Variants in CSMD1 observed in about 807,000 individuals in gnomAD.
CSMD1 encodes the protein CUB and Sushi multiple domains 1.
CSMD1 carries 213 observed loss-of-function variants against 417.5 expected under a neutral mutation model. The observed-to-expected ratio is 0.51, with a 90% CI of 0.46 to 0.57. CSMD1 has a LOEUF of 0.57. Among genes scored for constraint, CSMD1 ranks in the 20% least tolerant of loss-of-function variants. The probability of loss-of-function intolerance (pLI) is 0.00; values close to 1 mark genes in which losing one functional copy is unlikely to be tolerated. For synonymous variants in CSMD1, 2,862 were observed against 1,736.8 expected (o/e 1.65, Z -16.11); for missense variants, 6,923 against 4,529.7 (o/e 1.53, Z -15.17).
At chr8:3,193,417 G>A (rs149435526) in intron 33 of CSMD1, among the ~76,000 whole-genome samples, 1 of 152,178 alleles carries the variant, frequency 6.6e-6, no homozygotes, top group Non-Finnish European at 1.5e-5. Context: ...AGGGAGGCAG[G>A]GAGAAGCTGT....
chr8:4,016,506 C>T (rs1251680774), intron 4 of CSMD1, among the ~76,000 whole-genome samples: 1 of 152,028 alleles, frequency 6.6e-6, no homozygotes, highest in African/African-American at 2.4e-5. Flanking sequence ...CAAGGAGGTC[C>T]AAGGTTTTAG....
intron 25 of CSMD1, 55 bp downstream of exon 25, chr8:3,307,637 CAAG>C: frequency 6.5e-7 from 1 of 1,548,470 alleles, no homozygotes. Context: ...ATCTCTGCTA[CAAG>C]AATAGAAGGC....
At chr8:3,620,289 T>A (rs561168007) in intron 7 of CSMD1, among the ~76,000 whole-genome samples, 6 of 146,984 alleles carry the variant, frequency 4.1e-5, no homozygotes, top group Non-Finnish European at 7.4e-5. Context: ...AGAAAGTCCT[T>A]CAAGTTGAAA....
intron 3 of CSMD1, among the ~76,000 whole-genome samples, chr8:4,195,242 T>G (rs757875989): frequency 8.5e-5 from 13 of 152,218 alleles, no homozygotes; most frequent in Non-Finnish European, 1.3e-4. Context: ...GATTTTTTAA[T>G]TTGTTTTTTA....
chr8:3,488,488 G>C (rs562030027), intron 11 of CSMD1, among the ~76,000 whole-genome samples: 16 of 152,256 alleles, frequency 1.1e-4, no homozygotes, highest in East Asian at 7.7e-4. Context: ...GCTTCTTGCA[G>C]TATAAAATGT....
intron 2 of CSMD1, among the ~76,000 whole-genome samples, chr8:4,458,889 C>A (rs144125258): frequency 6.6e-6 from 1 of 152,150 alleles, no homozygotes; most frequent in African/African-American, 2.4e-5. Flanking sequence ...GAAACAAGCA[C>A]AATGGGTGGA....
At chr8:4,727,694 G>A (rs1809547299) in intron 1 of CSMD1, among the ~76,000 whole-genome samples, 2 of 152,062 alleles carry the variant, frequency 1.3e-5, no homozygotes, top group East Asian at 1.9e-4. Context: ...AACTTGCAAA[G>A]GCAAATTCCT....
At chr8:3,919,647 ACT>A (rs1491240014) in intron 5 of CSMD1, among the ~76,000 whole-genome samples, 4 of 152,126 alleles carry the variant, frequency 2.6e-5, no homozygotes, top group African/African-American at 9.6e-5. Flanking sequence ...AAATTTTATG[ACT>A]TTTTTTTCTA....
intron 7 of CSMD1, among the ~76,000 whole-genome samples, chr8:3,658,415 T>C (rs80146529): frequency 0.01 from 1,569 of 149,792 alleles, 51 homozygotes; most frequent in East Asian, 0.074. Context: ...TAAATGTTAG[T>C]AATGTTTTGT....
chr8:3,539,299 T>A (rs1325999760), intron 10 of CSMD1, among the ~76,000 whole-genome samples: 1 of 152,176 alleles, frequency 6.6e-6, no homozygotes, highest in Non-Finnish European at 1.5e-5. Flanking sequence ...CCCTACTGCC[T>A]ACCTCCCACC....
At chr8:3,461,959 G>A (rs1816533150) in intron 12 of CSMD1, among the ~76,000 whole-genome samples, 1 of 152,214 alleles carries the variant, frequency 6.6e-6, no homozygotes, top group Non-Finnish European at 1.5e-5. Context: ...GGGCCGGACA[G>A]GAGGGTGGCG....
At chr8:3,873,361 T>A (rs989024551) in intron 5 of CSMD1, among the ~76,000 whole-genome samples, 1 of 151,856 alleles carries the variant, frequency 6.6e-6, no homozygotes, top group Non-Finnish European at 1.5e-5. Flanking sequence ...TACCATATAA[T>A]ACTATCAAGA....
chr8:3,141,047 C>G (rs560376568), intron 41 of CSMD1, among the ~76,000 whole-genome samples: 1 of 152,152 alleles, frequency 6.6e-6, no homozygotes, highest in Non-Finnish European at 1.5e-5. Context: ...GGATCAACTC[C>G]GTGCACAATG....
chr8:3,490,732 C>A (rs899473408), intron 11 of CSMD1, among the ~76,000 whole-genome samples: 1 of 152,174 alleles, frequency 6.6e-6, no homozygotes, highest in African/African-American at 2.4e-5. Flanking sequence ...AGGCCCCTTT[C>A]TATCCACTGT....
At chr8:4,138,876 G>A (rs1487063374) in intron 3 of CSMD1, among the ~76,000 whole-genome samples, 1 of 152,046 alleles carries the variant, frequency 6.6e-6, no homozygotes, top group Non-Finnish European at 1.5e-5. Flanking sequence ...TTAATAGGAA[G>A]GTTAATTTAT....
At chr8:4,439,678 T>A (rs1380823709) in intron 2 of CSMD1, among the ~76,000 whole-genome samples, 1 of 152,192 alleles carries the variant, frequency 6.6e-6, no homozygotes, top group East Asian at 1.9e-4. Flanking sequence ...TATGAAAATG[T>A]GTGCTTATTA....
At chr8:3,861,941 C>A (rs1157382865) in intron 5 of CSMD1, among the ~76,000 whole-genome samples, 2 of 152,110 alleles carry the variant, frequency 1.3e-5, no homozygotes, top group African/African-American at 4.8e-5. Context: ...GAAAGTCAAT[C>A]TTTGTACCCT....
chr8:4,861,513 A>C (rs1024932498), intron 1 of CSMD1, among the ~76,000 whole-genome samples: 1 of 152,098 alleles, frequency 6.6e-6, no homozygotes, highest in East Asian at 1.9e-4. Flanking sequence ...TTTAGTGTCA[A>C]GTGAGGGGTA....
In CSMD1 at chr8:4,667,287, T is replaced by C. The variant is rs150364143; in HGVS notation, c.86-29729A>G. On this transcript the variant is annotated intron_variant, in intron 1 of 69. Transcript: ENST00000635120. Reference sequence around the variant, plus strand: ...AAGAAATCTTGAAATCAGAGTGTGTTAGTGATCCAATTTAGTGCTTCTTTC... The same window carrying C: ...AAGAAATCTTGAAATCAGAGTGTGTCAGTGATCCAATTTAGTGCTTCTTTC... 9.0e-3 allele frequency among the ~76,000 whole-genome samples: 1,364 copies of C among 152,238 alleles called. 19 individuals carry two copies. Among genetic ancestry groups the C allele is most frequent in the African/African-American group, 0.03 (1,248 of 41,548 alleles).
Sources: allele counts gnomAD v4.1 joint callset (sites outside exome capture counted in the v4.1 genomes callset), GRCh38; gene constraint gnomAD v4.1.1; transcripts MANE v1.5; gene names NCBI Gene and HGNC (gene_info 2026-07-23, HGNC 2026-07-21).